Variants in SAMD5 observed in about 807,000 individuals in gnomAD.
SAMD5 encodes the protein sterile alpha motif domain-containing protein 5.
SAMD5 carries 13 observed loss-of-function variants against 11.3 expected under a neutral mutation model. The ratio of observed to expected loss-of-function variants is 1.15; its 90% CI spans 0.75 to 1.83. The LOEUF is 1.83. Ranked by LOEUF, SAMD5 falls within the 40% of genes most tolerant of loss-of-function variation. The pLI, the probability that SAMD5 is intolerant of heterozygous loss-of-function variation, is 0.00. For synonymous variants in SAMD5, 129 were observed against 111.3 expected, an observed-to-expected ratio of 1.16 and a Z score of -1.00; for missense variants, 255 against 239.1, an observed-to-expected ratio of 1.07 and a Z score of -0.44.
chr6:147,551,812 T>TTA (rs10691979), intron 1 of SAMD5, among the ~76,000 whole-genome samples: 3,434 of 99,330 alleles, frequency 0.035, 49 homozygotes, highest in South Asian at 0.06. Flanking sequence ...TATATATATG[T>TTA]TATATATATA....
At chr6:147,847,817 C>A in the SAMD5 span, among the ~76,000 whole-genome samples, 1 of 152,132 alleles carries the variant, frequency 6.6e-6, no homozygotes, top group Non-Finnish European at 1.5e-5. Flanking sequence ...TGCACCACTG[C>A]ACTCCAGCCT....
At chr6:147,882,172 A>G in the SAMD5 span, among the ~76,000 whole-genome samples, 1 of 152,200 alleles carries the variant, frequency 6.6e-6, no homozygotes, top group African/African-American at 2.4e-5. Flanking sequence ...AATGATTCCT[A>G]TTCTTTGTCC....
At chr6:147,885,949 G>A in the SAMD5 span, among the ~76,000 whole-genome samples, 1 of 152,114 alleles carries the variant, frequency 6.6e-6, no homozygotes, top group South Asian at 2.1e-4. Context: ...TATACAAATA[G>A]TTTCAAAGAG....
the SAMD5 span, among the ~76,000 whole-genome samples, chr6:147,836,904 C>A: frequency 6.6e-6 from 1 of 152,066 alleles, no homozygotes; most frequent in African/African-American, 2.4e-5. Flanking sequence ...AAAAATTCTC[C>A]TCTGTTAATA....
chr6:147,529,789 T>C (rs1788399402), intron 1 of SAMD5, among the ~76,000 whole-genome samples: 1 of 152,184 alleles, frequency 6.6e-6, no homozygotes, highest in South Asian at 2.1e-4. Flanking sequence ...AAATATCCAA[T>C]AAAAATGAAT....
chr6:147,698,312 C>A (rs62436333), intron 1 of SAMD5, among the ~76,000 whole-genome samples: 1 of 152,076 alleles, frequency 6.6e-6, no homozygotes, highest in East Asian at 1.9e-4. Flanking sequence ...CCCAGAGACC[C>A]CACCTCCTAA....
chr6:147,899,170 C>CAAAAAAAAAAAAAAAA, the SAMD5 span, among the ~76,000 whole-genome samples: 2 of 62,622 alleles, frequency 3.2e-5, no homozygotes, highest in South Asian at 6.0e-4. Context: ...GACTCTGTCT[C>CAAAAAAAAAAAAAAAA]AAAAAAAAAA....
the SAMD5 span, among the ~76,000 whole-genome samples, chr6:147,941,842 G>T: frequency 0.11 from 15,367 of 145,228 alleles, 1,049 homozygotes; most frequent in South Asian, 0.32. Flanking sequence ...TTGTGTGTGT[G>T]TGTGAAGTTG....
the SAMD5 span, among the ~76,000 whole-genome samples, chr6:147,782,122 C>G: frequency 6.9e-6 from 1 of 145,082 alleles, no homozygotes; most frequent in African/African-American, 2.6e-5. Context: ...TTTCTGTGTT[C>G]CTTGAGATCA....
At chr6:147,944,092 T>C in the SAMD5 span, among the ~76,000 whole-genome samples, 2 of 152,142 alleles carry the variant, frequency 1.3e-5, no homozygotes, top group African/African-American at 2.4e-5. Flanking sequence ...TAGACTGTGA[T>C]TGAGGCAGCT....
At chr6:147,949,117 G>T in the SAMD5 span, among the ~76,000 whole-genome samples, 1 of 152,170 alleles carries the variant, frequency 6.6e-6, no homozygotes, top group Non-Finnish European at 1.5e-5. Context: ...TTAACAACAG[G>T]CTGAATAGAG....
At chr6:147,534,014 A>G (rs2128441390) in intron 1 of SAMD5, among the ~76,000 whole-genome samples, 1 of 152,298 alleles carries the variant, frequency 6.6e-6, no homozygotes, top group Non-Finnish European at 1.5e-5. Context: ...AAAATTAACC[A>G]TCAGAAGCCC....
the SAMD5 span, among the ~76,000 whole-genome samples, chr6:147,753,402 T>C: frequency 6.6e-6 from 1 of 152,226 alleles, no homozygotes; most frequent in African/African-American, 2.4e-5. Context: ...CACTTCATTC[T>C]CATTAGTACA....
the SAMD5 span, among the ~76,000 whole-genome samples, chr6:147,828,677 T>C: frequency 6.6e-6 from 1 of 152,188 alleles, no homozygotes; most frequent in Non-Finnish European, 1.5e-5. Flanking sequence ...AACAGCCTAT[T>C]GTAGGACCTC....
At chr6:147,636,960 A>G (rs549096379) in intron 1 of SAMD5, among the ~76,000 whole-genome samples, 8 of 152,060 alleles carry the variant, frequency 5.3e-5, no homozygotes, top group African/African-American at 1.9e-4. Flanking sequence ...GGGGTGTCTT[A>G]CAATCACTCA....
the SAMD5 span, among the ~76,000 whole-genome samples, chr6:147,826,512 G>C: frequency 2.6e-5 from 4 of 152,176 alleles, no homozygotes; most frequent in African/African-American, 9.7e-5. Flanking sequence ...TGGTTCTTCA[G>C]TCTCCTCCTA....
At chr6:147,546,217 G>A (rs1045366341) in intron 1 of SAMD5, among the ~76,000 whole-genome samples, 1 of 152,114 alleles carries the variant, frequency 6.6e-6, no homozygotes, top group African/African-American at 2.4e-5. Context: ...AGTGAAGACT[G>A]GCGCAGGATG....
chr6:147,866,932 G>A, the SAMD5 span, among the ~76,000 whole-genome samples: 1 of 152,154 alleles, frequency 6.6e-6, no homozygotes, highest in Non-Finnish European at 1.5e-5. Context: ...TTCATACAGA[G>A]CTGTTAAAGA....
chr6:147,509,546 C>T (rs560905676), intron 1 of SAMD5, among the ~76,000 whole-genome samples, 159 bp downstream of exon 1: 1 of 152,206 alleles, frequency 6.6e-6, no homozygotes, highest in Non-Finnish European at 1.5e-5. Flanking sequence ...TGTATTAGCC[C>T]ATTATTTCGT....
Sources: gnomAD v4.1 joint callset for allele counts (sites outside exome capture counted in the v4.1 genomes callset) on GRCh38, gnomAD v4.1.1 for gene constraint, MANE v1.5 for transcripts, NCBI Gene and HGNC (gene_info 2026-07-23, HGNC 2026-07-21) for gene names.